The following GOLGA7 variants were observed in gnomAD, a reference collection of about 807,000 sequenced individuals.
The protein encoded by GOLGA7 is golgin subfamily A member 7.
GOLGA7 carries 10 observed loss-of-function variants against 21.1 expected under a neutral mutation model. The ratio of observed to expected loss-of-function variants is 0.47; its 90% CI spans 0.29 to 0.80. The LOEUF (loss-of-function observed/expected upper bound fraction) is 0.80. GOLGA7 is among the 30% of genes least tolerant of loss of function. GOLGA7 has a pLI of 0.08. For synonymous variants in GOLGA7, 64 were observed against 62.6 expected (o/e 1.02, Z -0.10); for missense variants, 114 against 166.8 (o/e 0.68, Z 1.74).
rs768596699 is a variant in GOLGA7 at position 41,497,495 on chromosome 8, T to C, written c.112-14T>C. 5 of 1,386,542 alleles carry C rather than the reference T, an allele frequency of 3.6e-6. No individual in the cohort carries two copies. The Admixed American group carries it at 9.1e-5, about 25-fold the overall frequency. 85.9% of individuals were successfully genotyped at this position (1,386,542 alleles called of 1,614,324 possible). On this transcript the variant is annotated splice_polypyrimidine_tract_variant and intron_variant, in intron 1 of 4. Coordinates refer to ENST00000357743, the MANE Select transcript of GOLGA7 (RefSeq NM_001002296.2). ...TTTCCAAAACTTAATTTTTAAATAT[T>C]TTCTTCTCTACAGATTGATAGGCAG...
intron 1 of GOLGA7, among the ~76,000 whole-genome samples, chr8:41,494,591 C>T (rs998095521): frequency 6.6e-6 from 1 of 152,132 alleles, no homozygotes; most frequent in Non-Finnish European, 1.5e-5. Context: ...AGTCTGTTTT[C>T]GTGAATGAGA....
At chr8:41,499,061 A>G (rs1276871831) in intron 2 of GOLGA7, among the ~76,000 whole-genome samples, 1 of 152,220 alleles carries the variant, frequency 6.6e-6, no homozygotes, top group Non-Finnish European at 1.5e-5. Context: ...GTTCCATCTC[A>G]TATAAACAGG....
chr8:41,504,129 A>AAAAC (rs1554540013), intron 2 of GOLGA7, among the ~76,000 whole-genome samples: 2 of 144,988 alleles, frequency 1.4e-5, no homozygotes, highest in Non-Finnish European at 3.0e-5. Context: ...ATAAAAAAAA[A>AAAAC]AAAAAAACAA....
At position 41,497,614 on chromosome 8, in the gene GOLGA7, T is replaced by G. The variant is rs1806052079; in HGVS notation, c.217T>G (p.Leu73Val). 6.3e-7 allele frequency: 1 copy of G among 1,581,888 alleles called. No homozygotes were observed. The highest frequency in any genetic ancestry group is 1.7e-5 in the Admixed American group (1 of 59,896). The change falls in exon 2 of 5, where the codon TTA becomes GTA. Residue 73 changes from leucine (L) to valine (V), a missense_variant. Coordinates refer to ENST00000357743, the MANE Select transcript of GOLGA7 (RefSeq NM_001002296.2). ...QSYLEGCLACLTAYTIFLCME... is the reference protein window; with the variant it reads ...QSYLEGCLACVTAYTIFLCME... ...ATATCTCGAAGGTTGTTTGGCTTGT[T>G]TAACAGCATATACCATCTTCCTATG...
chr8:41,494,772 A>G (rs893129947), intron 1 of GOLGA7, among the ~76,000 whole-genome samples: 8 of 152,208 alleles, frequency 5.3e-5, no homozygotes, highest in African/African-American at 1.9e-4. Context: ...GGTAGAGCCA[A>G]CACCACTTTA....
intron 1 of GOLGA7, among the ~76,000 whole-genome samples, chr8:41,493,892 C>A (rs558083399): frequency 6.6e-6 from 1 of 152,210 alleles, no homozygotes; most frequent in South Asian, 2.1e-4. Flanking sequence ...ACACTGGCCA[C>A]TGTTATTCAT....
intron 1 of GOLGA7, among the ~76,000 whole-genome samples, chr8:41,492,768 A>C (rs1805915621): frequency 6.6e-6 from 1 of 152,258 alleles, no homozygotes; most frequent in Non-Finnish European, 1.5e-5. Flanking sequence ...CAAAATCAGA[A>C]TATAAAGTAT....
rs79843282 is a variant in GOLGA7 at position 41,505,869 on chromosome 8, C to A, written c.265-42C>A. 9.8e-5 allele frequency: 102 copies of A among 1,041,170 alleles called. No individual in the cohort carries two copies. The East Asian group carries it at 2.2e-3, about 23-fold the overall frequency. 64.5% of individuals were successfully genotyped at this position (1,041,170 alleles called of 1,614,324 possible). On this transcript the variant is annotated intron_variant, in intron 2 of 4. Transcript: ENST00000357743. ...ATCTCACTAACACTTAAAGGGAAAT[C>A]TGATGAAGTTTGTAAGAAGCTGTGG...
At chr8:41,505,671 A>C (rs1195153929) in intron 2 of GOLGA7, 1 of 372,018 alleles carries the variant, frequency 2.7e-6, no homozygotes, top group Non-Finnish European at 4.8e-6. Context: ...GTGCCATTGT[A>C]TGCTTTTGCA....
chr8:41,491,063 C>T, intron 1 of GOLGA7, 98 bp downstream of exon 1: 1 of 742,398 alleles, frequency 1.3e-6, no homozygotes. Flanking sequence ...GAGGGTCCCG[C>T]AGTTCTGGGG....
At chr8:41,502,436 A>G (rs781522960) in intron 2 of GOLGA7, 4 of 152,244 alleles carry the variant, frequency 2.6e-5, no homozygotes, top group African/African-American at 4.8e-5. Context: ...ACTCACTAGA[A>G]CAATCATGCA....
In GOLGA7 at chr8:41,497,577, C is replaced by A; in HGVS notation, c.180C>A (p.Leu60=). 1 of 1,587,018 alleles carries A rather than the reference C, an allele frequency of 6.3e-7. No homozygotes were observed. Among genetic ancestry groups the A allele is most frequent in the Non-Finnish European group, 8.7e-7 (1 of 1,155,616 alleles). ...ACCTTTATGCAGAAGCAGAGAAGCT[C>A]GGCGGCCAGTCATATCTCGAAGGTT... ...LNNLYAEAEK[L]GGQSYLEGCL... Residue 60 remains leucine (L), a synonymous_variant, in exon 2 of 5, where the codon CTC becomes CTA. Transcript: ENST00000357743.
chr8:41,492,670 A>G (rs1805912429), intron 1 of GOLGA7, among the ~76,000 whole-genome samples: 1 of 152,250 alleles, frequency 6.6e-6, no homozygotes, highest in Non-Finnish European at 1.5e-5. Flanking sequence ...CTCAAAAAAT[A>G]AATCAAATAA....
At chr8:41,495,538 A>G (rs1294933753) in intron 1 of GOLGA7, among the ~76,000 whole-genome samples, 2 of 150,100 alleles carry the variant, frequency 1.3e-5, no homozygotes, top group East Asian at 1.9e-4. Context: ...ACCCAGCTCA[A>G]CTTCCCAAGT....
intron 2 of GOLGA7, among the ~76,000 whole-genome samples, chr8:41,501,128 G>A (rs1290933091): frequency 6.6e-6 from 1 of 152,142 alleles, no homozygotes; most frequent in Admixed American, 6.5e-5. Flanking sequence ...TGCTGAAATA[G>A]AAGTACTGAT....
At chr8:41,490,992 C>A in intron 1 of GOLGA7, 27 bp downstream of exon 1, 4 of 1,271,526 alleles carry the variant, frequency 3.1e-6, no homozygotes, top group Non-Finnish European at 3.4e-6. Context: ...CCCACGCCTG[C>A]TCTGGCGAGG....
At chr8:41,494,482 G>C (rs917751352) in intron 1 of GOLGA7, among the ~76,000 whole-genome samples, 1 of 152,174 alleles carries the variant, frequency 6.6e-6, no homozygotes, top group Non-Finnish European at 1.5e-5. Flanking sequence ...GAATTATTTA[G>C]ACTTTTGTAG....
intron 2 of GOLGA7, among the ~76,000 whole-genome samples, chr8:41,499,345 A>G (rs369695742): frequency 2.4e-4 from 36 of 152,304 alleles, no homozygotes; most frequent in African/African-American, 7.0e-4. Context: ...TGTTAGCTCA[A>G]TTAGACCCCT....
intron 2 of GOLGA7, among the ~76,000 whole-genome samples, chr8:41,504,375 G>A (rs1023753495): frequency 1.3e-5 from 2 of 152,098 alleles, no homozygotes; most frequent in South Asian, 2.1e-4. Flanking sequence ...CAGGTGAACT[G>A]AGAAGGAAAT....
Sources: allele counts gnomAD v4.1 joint callset (sites outside exome capture counted in the v4.1 genomes callset), GRCh38; gene constraint gnomAD v4.1.1; transcripts MANE v1.5; gene names NCBI Gene and HGNC (gene_info 2026-07-23, HGNC 2026-07-21).